Variants in MTHFS observed in about 807,000 individuals in gnomAD.
The protein encoded by MTHFS is 5-formyltetrahydrofolate cyclo-ligase.
In MTHFS, 7 loss-of-function variants were observed where a neutral mutation model predicts 12.7. The ratio of observed to expected loss-of-function variants is 0.55; its 90% CI spans 0.31 to 1.03. The LOEUF is 1.03. Ranked by LOEUF, MTHFS falls within the 50% of genes least tolerant of loss-of-function variation. The pLI, the probability that MTHFS is intolerant of heterozygous loss-of-function variation, is 0.05. For missense variants in MTHFS, 252 were observed against 258.1 expected, an observed-to-expected ratio of 0.98 and a Z score of 0.16; for synonymous variants, 100 against 97.1, an observed-to-expected ratio of 1.03 and a Z score of -0.18.
At chr15:79,867,754 G>A (rs560645429) in intron 2 of MTHFS, among the ~76,000 whole-genome samples, 1 of 152,152 alleles carries the variant, frequency 6.6e-6, no homozygotes, top group Admixed American at 6.5e-5. Context: ...GTTTCTATCA[G>A]GAATCTAAAA....
At chr15:79,871,876 G>T (rs951898844) in intron 2 of MTHFS, among the ~76,000 whole-genome samples, 1 of 151,986 alleles carries the variant, frequency 6.6e-6, no homozygotes, top group Non-Finnish European at 1.5e-5. Flanking sequence ...GGAGGCCGAG[G>T]CATGGATCAC....
chr15:79,891,641 A>T lies in MTHFS; in HGVS notation c.118-2287T>A, dbSNP rs1001129760. On this transcript the variant is annotated intron_variant, in intron 1 of 2. Transcript: ENST00000258874. ...ATCAATCTGTGATTTTTATTATCTG[A>T]TTAACAAGAGTTCCAAAAAGGCACA... Among the ~76,000 whole-genome samples the T allele has an allele frequency of 3.9e-5, 6 of 152,222 alleles. No individual in the cohort carries two copies. In the South Asian group the frequency reaches 6.2e-4, roughly 16 times the overall value.
In MTHFS at chr15:79,844,057, C is replaced by T. The variant is rs1026199328; in HGVS notation, c.*1153G>A. On this transcript the variant is annotated 3_prime_UTR_variant, in exon 3 of 3. Transcript: ENST00000258874. The stretch of plus-strand genomic sequence containing the variant: ...GAATACAGAGTTGGGAGAGAAGAGG[C>T]TAGAAAAAGTAGATGAGGAGACCTC... 1 of 152,174 alleles carries T rather than the reference C, an allele frequency of 6.6e-6. No individual in the cohort carries two copies. The highest frequency in any genetic ancestry group is 2.1e-4 in the South Asian group (1 of 4,836). The allele number at this position is 152,174 out of a possible 1,614,324, so 9.4% of individuals were successfully genotyped here.
At chr15:79,862,541 C>T (rs563549500) in intron 2 of MTHFS, among the ~76,000 whole-genome samples, 11 of 152,308 alleles carry the variant, frequency 7.2e-5, no homozygotes, top group Non-Finnish European at 1.5e-4. Flanking sequence ...AGAAGACTAT[C>T]TTGCCTAAAG....
chr15:79,893,471 G>A (rs1245237920), intron 1 of MTHFS, among the ~76,000 whole-genome samples: 1 of 151,910 alleles, frequency 6.6e-6, no homozygotes, highest in African/African-American at 2.4e-5. Flanking sequence ...GGCCGAGGCA[G>A]GCGGATCACG....
chr15:79,890,373 G>A (rs2034454296), intron 1 of MTHFS, among the ~76,000 whole-genome samples: 1 of 151,898 alleles, frequency 6.6e-6, no homozygotes, highest in Non-Finnish European at 1.5e-5. Flanking sequence ...GACCACAGGT[G>A]CAAACCACCA....
At chr15:79,895,181 A>G (rs2034547237) in intron 1 of MTHFS, among the ~76,000 whole-genome samples, 1 of 152,216 alleles carries the variant, frequency 6.6e-6, no homozygotes, top group African/African-American at 2.4e-5. Flanking sequence ...CGCCAGATTC[A>G]GCCCAGATCT....
intron 2 of MTHFS, among the ~76,000 whole-genome samples, chr15:79,868,967 T>A (rs187591601): frequency 1.3e-5 from 2 of 152,222 alleles, no homozygotes; most frequent in African/African-American, 2.4e-5. Flanking sequence ...CATTTTTTTT[T>A]AATGTAAACC....
chr15:79,845,332 G>C lies in MTHFS; in HGVS notation c.490C>G (p.Gln164Glu). 1.9e-6 allele frequency: 3 copies of C among 1,614,164 alleles called. No homozygotes were observed. Among genetic ancestry groups the C allele is most frequent in the Non-Finnish European group, 2.5e-6 (3 of 1,180,030 alleles). Residue 164 changes from glutamine to glutamate, a missense_variant, in exon 3 of 3, where the codon CAG becomes GAG. Transcript: ENST00000258874. Reference sequence around the variant, plus strand: ...GCCAGGGTGTAGGGCTTCACTTCCTGATGCTGCAAACAGCGCTTCAGATAG... The same window carrying C: ...GCCAGGGTGTAGGGCTTCACTTCCTCATGCTGCAAACAGCGCTTCAGATAG... ...DAYLKRCLQH[Q>E]EVKPYTLALA...
intron 2 of MTHFS, among the ~76,000 whole-genome samples, chr15:79,871,731 G>A (rs1340053004): frequency 2.0e-5 from 3 of 152,046 alleles, no homozygotes; most frequent in Non-Finnish European, 4.4e-5. Context: ...TCTGTATAAT[G>A]TTTGAAGTGA....
intron 2 of MTHFS, chr15:79,875,800 C>T (rs996094895): frequency 6.6e-6 from 1 of 152,008 alleles, no homozygotes; most frequent in Non-Finnish European, 1.5e-5. Flanking sequence ...GAAATATTTG[C>T]AAATCACATA....
At chr15:79,883,349 A>G (rs527319746) in intron 2 of MTHFS, among the ~76,000 whole-genome samples, 129 of 152,332 alleles carry the variant, frequency 8.5e-4, no homozygotes, top group Non-Finnish European at 1.2e-3. Context: ...TTATACAGGC[A>G]CGCTTTGAAT....
intron 2 of MTHFS, among the ~76,000 whole-genome samples, chr15:79,866,020 AGTCACT>A (rs1469059856): frequency 1.3e-5 from 2 of 151,496 alleles, no homozygotes; most frequent in African/African-American, 4.8e-5. Context: ...GAGAGAAAAC[AGTCACT>A]GCAGTTTGAA....
chr15:79,869,674 T>A (rs1368911985), intron 2 of MTHFS, among the ~76,000 whole-genome samples: 1 of 152,124 alleles, frequency 6.6e-6, no homozygotes, highest in Non-Finnish European at 1.5e-5. Context: ...GCTCAAATGA[T>A]CCTCCCACCT....
At chr15:79,847,383 C>T (rs1023472657) in intron 2 of MTHFS, among the ~76,000 whole-genome samples, 5 of 152,048 alleles carry the variant, frequency 3.3e-5, no homozygotes, top group African/African-American at 9.7e-5. Flanking sequence ...CAATTAAAAA[C>T]TGGGCAAAAG....
chr15:79,846,516 C>A (rs1323749144), intron 2 of MTHFS, among the ~76,000 whole-genome samples: 1 of 152,222 alleles, frequency 6.6e-6, no homozygotes, highest in Non-Finnish European at 1.5e-5. Context: ...GGCTAGCCCC[C>A]ACTATCAGCA....
chr15:79,852,126 A>C (rs990189131), intron 2 of MTHFS, among the ~76,000 whole-genome samples: 12 of 152,230 alleles, frequency 7.9e-5, no homozygotes, highest in African/African-American at 2.9e-4. Flanking sequence ...CTAAAACATG[A>C]AGAAGCTGAA....
intron 1 of MTHFS, among the ~76,000 whole-genome samples, chr15:79,895,592 T>C (rs895990373): frequency 6.6e-6 from 1 of 152,384 alleles, no homozygotes; most frequent in Non-Finnish European, 1.5e-5. Context: ...CAAGAGTCTA[T>C]ATCCTTTACA....
Position 79,866,017 on chromosome 15 carries a change from A to G in MTHFS, c.380-20575T>C, listed in dbSNP as rs923331012. 9.2e-5 allele frequency among the ~76,000 whole-genome samples: 14 copies of G among 152,122 alleles called. 1 individual carries two copies. Among genetic ancestry groups the G allele is most frequent in the African/African-American group, 1.9e-4 (8 of 41,520 alleles). On this transcript the variant is annotated intron_variant, in intron 2 of 2. Coordinates refer to ENST00000258874, the MANE Select transcript of MTHFS (RefSeq NM_006441.4). Reference sequence around the variant, plus strand: ...CTCTTTAAGGTGAGGGAAGAGAGAAAACAGTCACTGCAGTTTGAAATTTTA... The same window carrying G: ...CTCTTTAAGGTGAGGGAAGAGAGAAGACAGTCACTGCAGTTTGAAATTTTA...
Sources: allele counts gnomAD v4.1 joint callset (sites outside exome capture counted in the v4.1 genomes callset), GRCh38; gene constraint gnomAD v4.1.1; transcripts MANE v1.5; gene names NCBI Gene and HGNC (gene_info 2026-07-23, HGNC 2026-07-21).